APOO: variants seen among roughly 807,000 people sequenced by gnomAD.
APOO encodes the protein apolipoprotein O, also known as MICOS complex subunit MIC26.
Under a neutral mutation model 23.1 loss-of-function variants are expected in APOO, and 11 were observed. That is an observed-to-expected ratio of 0.48 (90% CI 0.30 to 0.79). APOO has a LOEUF of 0.79. APOO is among the 30% of genes least tolerant of loss of function. APOO has a pLI of 0.07. For synonymous variants in APOO, 59 were observed against 54.8 expected (o/e 1.08, Z -0.34); for missense variants, 160 against 142.7 (o/e 1.12, Z -0.62).
At chrX:23,848,227 C>T (rs766671409) in intron 7 of APOO, among the ~76,000 whole-genome samples, 24 of 108,018 alleles carry the variant, frequency 2.2e-4, no homozygotes, top group African/African-American at 7.8e-4. Context: ...TGCAGTGACG[C>T]GATCATGGCT....
At chrX:23,890,083 C>T (rs1926586630) in intron 1 of APOO, among the ~76,000 whole-genome samples, 3 of 111,751 alleles carry the variant, frequency 2.7e-5, no homozygotes, top group African/African-American at 6.5e-5. Context: ...ACCACCATTC[C>T]ACAAACATAT....
intron 1 of APOO, among the ~76,000 whole-genome samples, chrX:23,903,519 T>C (rs1286893244): frequency 9.0e-6 from 1 of 111,715 alleles, no homozygotes; most frequent in African/African-American, 3.3e-5. Flanking sequence ...GACAAATATT[T>C]TCTGACACTC....
intron 2 of APOO, among the ~76,000 whole-genome samples, 158 bp downstream of exon 2, chrX:23,880,687 A>C (rs1926072761): frequency 2.9e-5 from 3 of 102,238 alleles, no homozygotes; most frequent in Admixed American, 1.1e-4. Flanking sequence ...AACAAGAGCG[A>C]AACTCCGTCT....
chrX:23,869,786 C>T (rs1422699432), intron 4 of APOO, among the ~76,000 whole-genome samples: 2 of 107,940 alleles, frequency 1.9e-5, no homozygotes, highest in Non-Finnish European at 3.8e-5. Flanking sequence ...CCCATCTCTA[C>T]TAAAAATACA....
chrX:23,879,019 C>T lies in APOO; in HGVS notation c.133G>A (p.Val45Ile). The T allele has an allele frequency of 1.7e-6, 2 of 1,210,843 alleles. No individual in the cohort carries two copies. The highest frequency in any genetic ancestry group is 3.5e-5 in the African/African-American group (2 of 57,827). Residue 45 changes from valine to isoleucine, a missense_variant, in exon 3 of 9, where the codon GTT (valine) becomes ATT (isoleucine). Val to Ile is a conservative substitution (Grantham distance 29). Coordinates refer to ENST00000379226, the MANE Select transcript of APOO (RefSeq NM_024122.5). ...VKVDELSLYS[V>I]PEGQSKYVEE... ...ACATACTTCGATTGACCCTCAGGAA[C>T]TGAGTAGAGTGAAAGCTGCGCACAT...
At chrX:23,875,107 G>A (rs372189786) in intron 3 of APOO, among the ~76,000 whole-genome samples, 17 of 109,739 alleles carry the variant, frequency 1.5e-4, no homozygotes, top group African/African-American at 4.6e-4. Context: ...AAAATTAGCC[G>A]GGCGTGGTGG....
chrX:23,849,367 G>C (rs1924414102), intron 7 of APOO, among the ~76,000 whole-genome samples: 1 of 108,365 alleles, frequency 9.2e-6, no homozygotes, highest in African/African-American at 3.4e-5. Flanking sequence ...ATTGCCAAAA[G>C]GATCAAACAG....
At chrX:23,907,533 C>G (rs182787323) in intron 1 of APOO, among the ~76,000 whole-genome samples, 161 bp downstream of exon 1, 1 of 112,685 alleles carries the variant, frequency 8.9e-6, no homozygotes, top group South Asian at 3.6e-4. Flanking sequence ...CCCCAGTAGA[C>G]CAGTGAATGA....
intron 5 of APOO, among the ~76,000 whole-genome samples, chrX:23,862,598 A>G (rs1347582813): frequency 9.6e-6 from 1 of 103,781 alleles, no homozygotes; most frequent in Admixed American, 1.1e-4. Flanking sequence ...CAACATGGTG[A>G]CACCCGGTCT....
At position 23,882,759 on chromosome X, in the gene APOO, T is replaced by C. The variant is rs1194827259; in HGVS notation, c.10-1807A>G. Among the ~76,000 whole-genome samples the C allele has an allele frequency of 4.5e-5, 5 of 110,282 alleles. No homozygotes were observed. In the East Asian group the frequency reaches 1.4e-3, roughly 31 times the overall value. Reference sequence around the variant, plus strand: ...CCATCCCAGGTTCAAGCACTCCTCCTGTCTTGTCTCCCAAATAGCTGGGAC... The same window carrying C: ...CCATCCCAGGTTCAAGCACTCCTCCCGTCTTGTCTCCCAAATAGCTGGGAC... On this transcript the variant is annotated intron_variant, in intron 1 of 8. Coordinates refer to ENST00000379226, the MANE Select transcript of APOO (RefSeq NM_024122.5).
chrX:23,884,914 C>T (rs780644249), intron 1 of APOO, among the ~76,000 whole-genome samples: 44 of 111,092 alleles, frequency 4.0e-4, no homozygotes, highest in South Asian at 7.6e-4. Flanking sequence ...TTCCAGAGAC[C>T]GACAGACAGC....
Position 23,889,690 on chromosome X carries a change from C to T in APOO, c.10-8738G>A, listed in dbSNP as rs191132427. Among the ~76,000 whole-genome samples the T allele has an allele frequency of 6.8e-3, 637 of 93,862 alleles. 9 individuals are homozygous for T. Among genetic ancestry groups the T allele is most frequent in the African/African-American group, 0.022 (566 of 25,453 alleles). 81.5% of individuals were successfully genotyped at this position (93,862 alleles called of 115,157 possible). A position where few individuals can be genotyped will look rare whatever the true frequency, so the allele number is the denominator to read the frequency against. On this transcript the variant is annotated intron_variant, in intron 1 of 8. Coordinates refer to ENST00000379226, the MANE Select transcript of APOO (RefSeq NM_024122.5). ...TTTTTTTTTTTTTTTTAAGACAGAG[C>T]CTCGCTCTGTCGCCCAGGCTGGAGT...
At chrX:23,842,969 T>C (rs762303299) in intron 7 of APOO, among the ~76,000 whole-genome samples, 27 of 111,648 alleles carry the variant, frequency 2.4e-4, no homozygotes, top group Admixed American at 1.8e-3. Context: ...GATCACGCCA[T>C]TGCACTCCAG....
intron 7 of APOO, among the ~76,000 whole-genome samples, chrX:23,852,037 C>T (rs1924561342): frequency 9.0e-6 from 1 of 111,216 alleles, no homozygotes. Context: ...GATTCTTGTG[C>T]CTCCGCCTCC....
At chrX:23,884,395 A>G (rs1485334374) in intron 1 of APOO, among the ~76,000 whole-genome samples, 1 of 111,765 alleles carries the variant, frequency 8.9e-6, no homozygotes, top group Non-Finnish European at 1.9e-5. Context: ...CTTAGTGACC[A>G]AAGGGAAAGG....
chrX:23,847,601 G>C (rs1017898238), intron 7 of APOO, among the ~76,000 whole-genome samples: 1 of 109,720 alleles, frequency 9.1e-6, no homozygotes, highest in South Asian at 3.9e-4. Flanking sequence ...ACTCCAGCCT[G>C]GGCGACAGTG....
At chrX:23,898,013 C>CT (rs2050401935) in intron 1 of APOO, among the ~76,000 whole-genome samples, 1 of 104,686 alleles carries the variant, frequency 9.6e-6, no homozygotes, top group South Asian at 4.5e-4. Context: ...AAAAAAAAAT[C>CT]TATCTAGACA....
chrX:23,885,957 G>A (rs1926352610), intron 1 of APOO, among the ~76,000 whole-genome samples: 1 of 111,876 alleles, frequency 8.9e-6, no homozygotes, highest in Non-Finnish European at 1.9e-5. Flanking sequence ...TTAGTTTGCA[G>A]AGAACACATG....
chrX:23,834,361 A>T (rs1425353020), intron 8 of APOO, among the ~76,000 whole-genome samples: 1 of 100,317 alleles, frequency 1.0e-5, no homozygotes. Context: ...GAGCCACTGC[A>T]CTCCAGCCTG....
Sources: allele counts gnomAD v4.1 joint callset (sites outside exome capture counted in the v4.1 genomes callset), GRCh38; gene constraint gnomAD v4.1.1; transcripts MANE v1.5; gene names NCBI Gene and HGNC (gene_info 2026-07-23, HGNC 2026-07-21).